ZNF584: variants seen among roughly 807,000 people sequenced by gnomAD.
The protein encoded by ZNF584 is zinc finger protein 584.
In ZNF584, 12 loss-of-function variants were observed where a neutral mutation model predicts 14.7. The observed-to-expected ratio is 0.82, with a 90% CI of 0.52 to 1.32. ZNF584 has a LOEUF of 1.32. Among genes scored for constraint, ZNF584 ranks in the 40% most tolerant of loss-of-function variants. ZNF584 has a pLI of 0.00. For synonymous variants in ZNF584, 204 were observed against 190.9 expected (o/e 1.07, Z -0.57); for missense variants, 478 against 518.8 (o/e 0.92, Z 0.76).
At chr19:58,415,691 A>G in intron 3 of ZNF584, 45 bp downstream of exon 3, 1 of 1,608,168 alleles carries the variant, frequency 6.2e-7, no homozygotes, top group Non-Finnish European at 8.5e-7. Flanking sequence ...CAGTGGGCTC[A>G]CAGAATGCTG....
rs2052652733 is a variant in ZNF584 at position 58,417,088 on chromosome 19, A to G, written c.570A>G (p.Pro190=). The change falls in exon 4 of 4, where the codon CCA becomes CCG. Residue 190 remains proline, a synonymous_variant. Transcript: ENST00000306910. ...CTGAAGAGAGACCCTTCAGATGCCC[A>G]ACAGGCAGAAGTGCTTTCAAGAAGT... ...THSEERPFRC[P]TGRSAFKKSA... 1 of 1,613,920 alleles carries G rather than the reference A, an allele frequency of 6.2e-7. No individual in the cohort carries two copies. The highest frequency in any genetic ancestry group is 1.7e-5 in the Admixed American group (1 of 59,992).
In ZNF584 at chr19:58,409,038, G is replaced by A; in HGVS notation, c.-110G>A. 1 of 1,362,976 alleles carries A rather than the reference G, an allele frequency of 7.3e-7. No individual in the cohort carries two copies. Among genetic ancestry groups the A allele is most frequent in the Admixed American group, 2.9e-5 (1 of 35,054 alleles). The allele number at this position is 1,362,976 out of a possible 1,614,324, so 84.4% of individuals were successfully genotyped here. ...CTGTCTTCGGACGCATTTCACCCGC[G>A]CGGGGAGAGCTTCCCGGGAAGGTTC... On this transcript the variant is annotated 5_prime_UTR_variant, in exon 1 of 4. Coordinates refer to ENST00000306910, the MANE Select transcript of ZNF584 (RefSeq NM_173548.3).
chr19:58,402,732 G>A (rs891639352), intron 1 of ZNF584, among the ~76,000 whole-genome samples: 1 of 149,118 alleles, frequency 6.7e-6, no homozygotes, highest in African/African-American at 2.5e-5. Context: ...TGACAGGCAG[G>A]AGAATCGCTT....
intron 2 of ZNF584, among the ~76,000 whole-genome samples, chr19:58,410,550 T>TTTTTTTTTTTTTTTTTTTGTG: frequency 1.7e-5 from 1 of 60,466 alleles, no homozygotes; most frequent in African/African-American, 1.3e-4. Flanking sequence ...TATATATATA[T>TTTTTTTTTTTTTTTTTTTGTG]ATATATATGT....
At position 58,415,579 on chromosome 19, in the gene ZNF584, G is replaced by A. The variant is rs372304121; in HGVS notation, c.225G>A (p.Ser75=). 39 of 1,614,026 alleles carry A rather than the reference G, an allele frequency of 2.4e-5. No homozygotes were observed. Among genetic ancestry groups the A allele is most frequent in the Non-Finnish European group, 3.0e-5 (35 of 1,180,024 alleles). The change falls in exon 3 of 4, where the codon TCG becomes TCA. Residue 75 remains serine, a synonymous_variant. Transcript: ENST00000306910. ...CCCAGCTGGAGGATGATGAACAGTC[G>A]TGGGTGCCCAGCTGGGTGGATGTGA... ...VFTQLEDDEQ[S]WVPSWVDVTP... is the part of the protein sequence containing the mutation.
rs572464443 is a variant in ZNF584, at chr19:58,410,741, G to A, written c.169+650G>A. ...TATATATATATGTATATATATATAT[G>A]TGTGTATATATATATATATATGTAT... is the stretch of plus-strand genomic sequence containing the variant. On this transcript the variant is annotated intron_variant, in intron 2 of 3. Coordinates refer to ENST00000306910, the MANE Select transcript of ZNF584 (RefSeq NM_173548.3). Among the ~76,000 whole-genome samples the A allele has an allele frequency of 1.7e-4, 6 of 35,446 alleles. 1 individual carries two copies. The highest frequency in any genetic ancestry group is 1.3e-3 in the African/African-American group (4 of 3,120). 23.3% of individuals were successfully genotyped at this position (35,446 alleles called of 152,430 possible).
At chr19:58,410,948 T>A (rs2052563020) in intron 2 of ZNF584, among the ~76,000 whole-genome samples, 1 of 150,190 alleles carries the variant, frequency 6.7e-6, no homozygotes, top group Admixed American at 6.7e-5. Context: ...CGCGCCACCA[T>A]GCCTGGCTAA....
chr19:58,415,430 T>A, intron 2 of ZNF584, 94 bp from the exon 3 acceptor site: 1 of 1,474,816 alleles, frequency 6.8e-7, no homozygotes, highest in South Asian at 1.3e-5. Context: ...ACGTCTGGGT[T>A]TAAGTGATCT....
intron 2 of ZNF584, among the ~76,000 whole-genome samples, chr19:58,412,234 G>A (rs1194748874): frequency 1.8e-5 from 2 of 112,730 alleles, no homozygotes; most frequent in Non-Finnish European, 3.2e-5. Flanking sequence ...ACGGAGTCTC[G>A]CTCTGTCGCC....
At chr19:58,405,199 TC>T (rs2052459322), upstream of ZNF584, 1 of 71,760 alleles carries the variant, frequency 1.4e-5, no homozygotes, top group Admixed American at 1.5e-4. Context: ...CCCGGACGGG[TC>T]GGCTGGCCGC....
At position 58,417,036 on chromosome 19, in the gene ZNF584, C is replaced by T. The variant is rs765700521; in HGVS notation, c.518C>T (p.Ala173Val). 6.8e-6 allele frequency: 11 copies of T among 1,610,736 alleles called. No homozygotes were observed. The highest frequency in any genetic ancestry group is 4.5e-5 in the East Asian group (2 of 44,824). The change falls in exon 4 of 4, where the codon GCC (alanine) becomes GTC (valine). Residue 173 changes from alanine to valine, a missense_variant. Coordinates refer to ENST00000306910, the MANE Select transcript of ZNF584 (RefSeq NM_173548.3). ...GGGAAGGTGTTCTTAAAGGCCTTTGCCCTCCTTGACCATCTGATAACGCAT... is the reference window on the plus strand; with the variant it reads ...GGGAAGGTGTTCTTAAAGGCCTTTGTCCTCCTTGACCATCTGATAACGCAT... ...DCGKVFLKAFALLDHLITHSE... is the reference protein window; with the variant it reads ...DCGKVFLKAFVLLDHLITHSE...
chr19:58,417,284 G>T lies in ZNF584; in HGVS notation c.766G>T (p.Ala256Ser). The T allele has an allele frequency of 1.2e-6, 2 of 1,614,100 alleles. No homozygotes were observed. The highest frequency in any genetic ancestry group is 1.7e-6 in the Non-Finnish European group (2 of 1,180,030). The change falls in exon 4 of 4, where the codon GCA becomes TCA. Residue 256 changes from alanine (A) to serine (S), a missense_variant. Coordinates refer to ENST00000306910, the MANE Select transcript of ZNF584 (RefSeq NM_173548.3). ...DCGKTFNRKD[A>S]LVLHQRIHTG... is the part of the protein sequence containing the mutation. ...TGGTAAAACCTTCAACCGCAAAGAC[G>T]CACTTGTTCTACACCAGAGGATTCA...
At chr19:58,413,733 A>G in intron 2 of ZNF584, among the ~76,000 whole-genome samples, 1 of 150,866 alleles carries the variant, frequency 6.6e-6, no homozygotes, top group Non-Finnish European at 1.5e-5. Context: ...ACTCCAGACC[A>G]CAGGTGATCC....
At chr19:58,403,695 G>C (rs1228360190), upstream of ZNF584, among the ~76,000 whole-genome samples, 24 of 152,138 alleles carry the variant, frequency 1.6e-4, no homozygotes, top group Admixed American at 3.3e-4. Flanking sequence ...AATGGGCCGG[G>C]TGCGGTAGCT....
chr19:58,418,087 G>T lies in ZNF584; in HGVS notation c.*303G>T. On this transcript the variant is annotated 3_prime_UTR_variant, in exon 4 of 4. Transcript: ENST00000306910. The stretch of plus-strand genomic sequence containing the variant: ...TCCTTGCTCTAAACAGTAGAGAATC[G>T]TTAATAGTGGAGCCCAAAACAGGCC... 3.0e-6 allele frequency: 1 copy of T among 338,372 alleles called. No individual in the cohort carries two copies. Among genetic ancestry groups the T allele is most frequent in the Non-Finnish European group, 5.4e-6 (1 of 184,534 alleles). The allele number at this position is 338,372 out of a possible 1,614,324, so 21.0% of individuals were successfully genotyped here.
chr19:58,410,940 C>T (rs2052562849), intron 2 of ZNF584, among the ~76,000 whole-genome samples: 2 of 149,676 alleles, frequency 1.3e-5, no homozygotes, highest in Admixed American at 6.7e-5. Context: ...TACAGGCTCG[C>T]GCCACCATGC....
At chr19:58,413,065 T>A (rs2052596360) in intron 2 of ZNF584, among the ~76,000 whole-genome samples, 1 of 152,222 alleles carries the variant, frequency 6.6e-6, no homozygotes, top group Admixed American at 6.5e-5. Context: ...GGTAAACATT[T>A]GCCAATTTTG....
upstream of ZNF584, chr19:58,404,970 C>T (rs377112818): frequency 0.17 from 24,883 of 148,770 alleles, 1,961 homozygotes; most frequent in Non-Finnish European, 0.2. Context: ...ACCTCCCGGA[C>T]GGGGTGGCTG....
At position 58,413,422 on chromosome 19, in the gene ZNF584, T is replaced by C. The variant is rs1310238166; in HGVS notation, c.170-2102T>C. ...ATGCAATGGTGCGATCTCGGCTCAATGCAATCTCCACCTCCTGGGTTCAAG... is the reference window on the plus strand; with the variant it reads ...ATGCAATGGTGCGATCTCGGCTCAACGCAATCTCCACCTCCTGGGTTCAAG... On this transcript the variant is annotated intron_variant, in intron 2 of 3. Transcript: ENST00000306910. Among the ~76,000 whole-genome samples the C allele has an allele frequency of 2.0e-5, 3 of 152,108 alleles. No individual in the cohort carries two copies. In the East Asian group the frequency reaches 5.8e-4, roughly 29 times the overall value.
Sources: allele counts gnomAD v4.1 joint callset (sites outside exome capture counted in the v4.1 genomes callset), GRCh38; gene constraint gnomAD v4.1.1; transcripts MANE v1.5; gene names NCBI Gene and HGNC (gene_info 2026-07-23, HGNC 2026-07-21).